CTNNA2: variants seen among roughly 807,000 people sequenced by gnomAD.
CTNNA2 encodes catenin alpha-2.
A neutral mutation model predicts 101.0 loss-of-function variants in CTNNA2; 42 were observed. The observed-to-expected ratio is 0.42, with a 90% CI of 0.32 to 0.54. The LOEUF (loss-of-function observed/expected upper bound fraction) is 0.54, where lower values mean the gene tolerates loss of function less well. Ranked by LOEUF, CTNNA2 falls within the 20% of genes least tolerant of loss-of-function variation. The probability of loss-of-function intolerance (pLI) is 0.14; values close to 1 mark genes in which losing one functional copy is unlikely to be tolerated. For synonymous variants in CTNNA2, 450 were observed against 456.4 expected (o/e 0.99, Z 0.18); for missense variants, 871 against 1,223.1 (o/e 0.71, Z 4.29).
intron 7 of CTNNA2, among the ~76,000 whole-genome samples, chr2:80,213,531 A>C (rs1173179336): frequency 6.6e-6 from 1 of 152,162 alleles, no homozygotes; most frequent in Non-Finnish European, 1.5e-5. Context: ...GTTTTGAGTG[A>C]GTTTCTTAAT....
At chr2:79,500,296 T>C (rs1238738746) in intron 4 of CTNNA2, among the ~76,000 whole-genome samples, 1 of 152,212 alleles carries the variant, frequency 6.6e-6, no homozygotes. Context: ...ATTACATATT[T>C]ATTTGTTATG....
At chr2:79,672,129 C>G (rs997919288) in intron 2 of CTNNA2, among the ~76,000 whole-genome samples, 1 of 152,074 alleles carries the variant, frequency 6.6e-6, no homozygotes, top group African/African-American at 2.4e-5. Flanking sequence ...ATATGTTTTT[C>G]AACTTGATAG....
rs187805942 is a variant in CTNNA2, at chr2:79,295,250, C to A, written c.-405-17459C>A. 2.5e-4 allele frequency among the ~76,000 whole-genome samples: 38 copies of A among 152,242 alleles called. 1 individual carries two copies. The highest frequency in any genetic ancestry group is 8.2e-4 in the African/African-American group (34 of 41,548). ...CTTCGGCAGATAACCTCAACACTTA[C>A]CTTGCTGAGAAGAAACCCTGCCATG... On this transcript the variant is annotated intron_variant, in intron 2 of 21. Coordinates refer to the CTNNA2 transcript ENST00000466387.
chr2:80,419,677 A>G (rs531675854), intron 9 of CTNNA2, 76 bp downstream of exon 9: 132 of 1,412,546 alleles, frequency 9.3e-5, no homozygotes, highest in South Asian at 4.1e-4. Context: ...GAATTTCACT[A>G]GAGAGATATT....
At chr2:79,949,006 TAAATA>T (rs1688699134) in intron 7 of CTNNA2, among the ~76,000 whole-genome samples, 1 of 152,024 alleles carries the variant, frequency 6.6e-6, no homozygotes, top group South Asian at 2.1e-4. Context: ...AATGGATAAA[TAAATA>T]AATAAATTTA....
intron 7 of CTNNA2, among the ~76,000 whole-genome samples, chr2:79,987,079 G>A (rs1221224122): frequency 6.6e-6 from 1 of 152,060 alleles, no homozygotes; most frequent in Non-Finnish European, 1.5e-5. Flanking sequence ...GTGTCTTGTG[G>A]AACCACTTTT....
chr2:79,756,242 C>G (rs1672390277), intron 3 of CTNNA2, among the ~76,000 whole-genome samples: 1 of 152,158 alleles, frequency 6.6e-6, no homozygotes, highest in African/African-American at 2.4e-5. Flanking sequence ...GTTTGCCACT[C>G]CATTTGTAAG....
chr2:79,388,997 A>T (rs1206176683), intron 4 of CTNNA2, among the ~76,000 whole-genome samples: 1 of 152,144 alleles, frequency 6.6e-6, no homozygotes, highest in Non-Finnish European at 1.5e-5. Context: ...TTGGGGTTAC[A>T]CAGTGCACAG....
At chr2:79,856,036 AT>A (rs1681107298) in intron 3 of CTNNA2, among the ~76,000 whole-genome samples, 1 of 152,190 alleles carries the variant, frequency 6.6e-6, no homozygotes, top group Admixed American at 6.5e-5. Context: ...GGACACTTGG[AT>A]TGAGCTCTAG....
intron 2 of CTNNA2, among the ~76,000 whole-genome samples, chr2:79,245,906 C>G (rs140840814): frequency 1.3e-5 from 2 of 152,320 alleles, no homozygotes; most frequent in East Asian, 3.9e-4. Flanking sequence ...ACCCAGGACT[C>G]AGTCAGGGAA....
chr2:79,192,604 A>G (rs1321388629), intron 1 of CTNNA2, among the ~76,000 whole-genome samples: 3 of 152,172 alleles, frequency 2.0e-5, no homozygotes, highest in Non-Finnish European at 4.4e-5. Flanking sequence ...AGACATGCGA[A>G]TTATCTAATT....
At chr2:79,845,489 C>G (rs1680163616) in intron 3 of CTNNA2, among the ~76,000 whole-genome samples, 1 of 152,178 alleles carries the variant, frequency 6.6e-6, no homozygotes, top group African/African-American at 2.4e-5. Flanking sequence ...GACAAGATGT[C>G]ACTGCTATCC....
At chr2:80,113,939 G>A (rs1701364979) in intron 7 of CTNNA2, among the ~76,000 whole-genome samples, 1 of 152,076 alleles carries the variant, frequency 6.6e-6, no homozygotes, top group East Asian at 1.9e-4. Flanking sequence ...TGCCTCTATG[G>A]CCACCTATTT....
intron 9 of CTNNA2, among the ~76,000 whole-genome samples, chr2:80,437,193 C>T (rs967771834): frequency 2.6e-5 from 4 of 152,116 alleles, no homozygotes; most frequent in Admixed American, 6.5e-5. Context: ...AAATTTCTGT[C>T]GTTGATAAAT....
intron 2 of CTNNA2, among the ~76,000 whole-genome samples, chr2:79,300,672 T>C (rs554809069): frequency 3.3e-5 from 5 of 152,322 alleles, no homozygotes; most frequent in South Asian, 2.1e-4. Flanking sequence ...TTAAATCTTA[T>C]ATTTCTTAAA....
At chr2:79,271,808 G>T (rs1317362224) in intron 2 of CTNNA2, among the ~76,000 whole-genome samples, 1 of 152,062 alleles carries the variant, frequency 6.6e-6, no homozygotes, top group African/African-American at 2.4e-5. Context: ...AGTTCAAGCT[G>T]CATTTCAACA....
At chr2:79,523,040 T>C (rs1672205156) in intron 1 of CTNNA2, among the ~76,000 whole-genome samples, 1 of 152,156 alleles carries the variant, frequency 6.6e-6, no homozygotes, top group Non-Finnish European at 1.5e-5. Flanking sequence ...AGTGAGGGTG[T>C]TTTCAAGTAC....
At chr2:80,075,762 T>A (rs13033728) in intron 7 of CTNNA2, among the ~76,000 whole-genome samples, 2,850 of 116,412 alleles carry the variant, frequency 0.024, 367 homozygotes, top group African/African-American at 0.12. Flanking sequence ...ATATTTATAC[T>A]TGTATAAATA....
At chr2:79,872,836 T>A (rs1682696401) in intron 5 of CTNNA2, among the ~76,000 whole-genome samples, 1 of 148,820 alleles carries the variant, frequency 6.7e-6, no homozygotes, top group Non-Finnish European at 1.5e-5. Flanking sequence ...TACTGATGTT[T>A]TCCAGCTGGA....
Sources: allele counts gnomAD v4.1 joint callset (sites outside exome capture counted in the v4.1 genomes callset), GRCh38; gene constraint gnomAD v4.1.1; transcripts MANE v1.5; gene names NCBI Gene and HGNC (gene_info 2026-07-23, HGNC 2026-07-21).